LRRC37A2: variants seen among roughly 807,000 people sequenced by gnomAD.
The protein encoded by LRRC37A2 is leucine-rich repeat-containing protein 37A2.
Under a neutral mutation model 68.8 loss-of-function variants are expected in LRRC37A2, and 9 were observed. The observed-to-expected ratio is 0.13, with a 90% CI of 0.08 to 0.23. The LOEUF is 0.23. Ranked by LOEUF, LRRC37A2 falls within the 10% of genes least tolerant of loss-of-function variation. The probability of loss-of-function intolerance (pLI) is 1.00; values close to 1 mark genes in which losing one functional copy is unlikely to be tolerated. For missense variants in LRRC37A2, 168 were observed against 950.4 expected (o/e 0.18, Z 10.82); for synonymous variants, 63 against 367.6 (o/e 0.17, Z 9.48).
chr17:46,719,411 A>C, the LRRC37A2 span, among the ~76,000 whole-genome samples: 21,547 of 152,088 alleles, frequency 0.14, 2,999 homozygotes, highest in East Asian at 0.6. The surrounding 1 kb of genome is among the most constrained non-coding windows in gnomAD (Gnocchi z 4.3). Flanking sequence ...CTTTTTCACA[A>C]ATGGATGGTG....
chr17:47,011,513 C>T, the LRRC37A2 span, among the ~76,000 whole-genome samples: 1 of 149,370 alleles, frequency 6.7e-6, no homozygotes, highest in South Asian at 2.1e-4. Flanking sequence ...GATTCTACCA[C>T]TGTACTCCAG....
chr17:46,768,257 A>AC, the LRRC37A2 span: 1 of 1,608,978 alleles, frequency 6.2e-7, no homozygotes, highest in Non-Finnish European at 8.5e-7. The surrounding 1 kb of genome is among the most constrained non-coding windows in gnomAD (Gnocchi z 5.0). Context: ...TGGGCAAACA[A>AC]CCCCATTCCC....
At chr17:46,947,523 A>G in the LRRC37A2 span, among the ~76,000 whole-genome samples, 1 of 152,186 alleles carries the variant, frequency 6.6e-6, no homozygotes. Context: ...GACAAGCCCC[A>G]CTGTCCTAGG....
At chr17:46,894,107 C>T in the LRRC37A2 span, among the ~76,000 whole-genome samples, 2 of 152,210 alleles carry the variant, frequency 1.3e-5, no homozygotes, top group African/African-American at 4.8e-5. Context: ...CCAACAAACA[C>T]CTGTGAAACA....
At chr17:46,950,066 T>C in the LRRC37A2 span, among the ~76,000 whole-genome samples, 1 of 152,236 alleles carries the variant, frequency 6.6e-6, no homozygotes, top group African/African-American at 2.4e-5. Flanking sequence ...CCGTGGGGCC[T>C]CCTGGAGGGA....
chr17:46,931,357 A>G, the LRRC37A2 span: 2 of 670,576 alleles, frequency 3.0e-6, no homozygotes, highest in South Asian at 1.7e-5. Flanking sequence ...AAAGGGCACA[A>G]TTCTATCTGA....
downstream of LRRC37A2, among the ~76,000 whole-genome samples, chr17:46,558,136 T>C (rs981483233): frequency 7.9e-6 from 1 of 125,992 alleles, no homozygotes; most frequent in African/African-American, 3.2e-5. Flanking sequence ...CTCAGCTCAC[T>C]GCATCCTCCG....
the LRRC37A2 span, chr17:46,979,299 C>T: frequency 4.0e-6 from 1 of 252,876 alleles, no homozygotes; most frequent in Non-Finnish European, 7.8e-6. Flanking sequence ...GGCCGCCCCT[C>T]CCCTAGCAAC....
chr17:46,750,031 T>G, the LRRC37A2 span: 1 of 1,130,168 alleles, frequency 8.8e-7, no homozygotes, highest in Non-Finnish European at 1.3e-6. Context: ...CCCGGGGATA[T>G]TACAGGTTGT....
the LRRC37A2 span, among the ~76,000 whole-genome samples, chr17:46,902,310 T>C: frequency 7.9e-5 from 12 of 152,276 alleles, no homozygotes; most frequent in African/African-American, 2.9e-4. Context: ...TGTGAAGAAA[T>C]GGAGGCTCAT....
the LRRC37A2 span, among the ~76,000 whole-genome samples, chr17:46,732,932 C>T: frequency 6.6e-6 from 1 of 152,224 alleles, no homozygotes; most frequent in African/African-American, 2.4e-5. Context: ...TCACACAAGG[C>T]ATGGGGGTGC....
the LRRC37A2 span, among the ~76,000 whole-genome samples, chr17:46,992,850 T>C: frequency 2.5e-5 from 1 of 40,450 alleles, no homozygotes; most frequent in Non-Finnish European, 4.0e-5. Flanking sequence ...TGAAACTCCA[T>C]CTCAAAAAAA....
the LRRC37A2 span, among the ~76,000 whole-genome samples, chr17:46,771,108 C>G: frequency 6.6e-6 from 1 of 152,366 alleles, no homozygotes; most frequent in African/African-American, 2.4e-5. Flanking sequence ...CGGGACCCCT[C>G]TTGGCTCCCG....
chr17:46,975,505 A>G, the LRRC37A2 span: 1 of 152,550 alleles, frequency 6.6e-6, no homozygotes, highest in African/African-American at 2.4e-5. Flanking sequence ...CCCCTGCCCC[A>G]AGGATTATAT....
the LRRC37A2 span, chr17:46,818,714 C>T: frequency 9.7e-7 from 1 of 1,029,378 alleles, no homozygotes; most frequent in Non-Finnish European, 1.5e-6. Flanking sequence ...TTGTCAGAAG[C>T]GCACCTCCAC....
the LRRC37A2 span, chr17:46,929,591 A>C: frequency 1.2e-4 from 172 of 1,404,010 alleles, no homozygotes; most frequent in Non-Finnish European, 2.7e-5. Context: ...CACAGTGAGT[A>C]ATTAACTGTG....
chr17:46,950,711 G>C, the LRRC37A2 span, among the ~76,000 whole-genome samples: 3 of 152,152 alleles, frequency 2.0e-5, no homozygotes, highest in African/African-American at 7.2e-5. Flanking sequence ...TGGCTTGAGA[G>C]GGCAGGGACT....
chr17:47,002,961 G>C, the LRRC37A2 span, among the ~76,000 whole-genome samples: 5 of 152,012 alleles, frequency 3.3e-5, no homozygotes, highest in Admixed American at 6.6e-5. Flanking sequence ...CTGTATAAAA[G>C]CTCAAGGAAG....
At chr17:46,841,019 G>A in the LRRC37A2 span, among the ~76,000 whole-genome samples, 1 of 152,132 alleles carries the variant, frequency 6.6e-6, no homozygotes, top group African/African-American at 2.4e-5. Flanking sequence ...TCATCACCAT[G>A]GAACGCCTTT....
Sources: allele counts gnomAD v4.1 joint callset (sites outside exome capture counted in the v4.1 genomes callset), GRCh38; gene constraint gnomAD v4.1.1; non-coding constraint Gnocchi (gnomAD v3.1); transcripts MANE v1.5; gene names NCBI Gene and HGNC (gene_info 2026-07-23, HGNC 2026-07-21).